The following AMOTL1 variants were observed in gnomAD, a reference collection of about 807,000 sequenced individuals.
AMOTL1 encodes the protein angiomotin-like protein 1.
Under a neutral mutation model 102.9 loss-of-function variants are expected in AMOTL1, and 45 were observed. The ratio of observed to expected loss-of-function variants is 0.44; its 90% confidence interval spans 0.34 to 0.56. The LOEUF (loss-of-function observed/expected upper bound fraction) is 0.56. AMOTL1 is among the 20% of genes least tolerant of loss of function. The probability of loss-of-function intolerance (pLI) is 0.01; values close to 1 mark genes in which losing one functional copy is unlikely to be tolerated. For missense variants in AMOTL1, 1,114 were observed against 1,225.6 expected (o/e 0.91, Z 1.36); for synonymous variants, 481 against 484.7 (o/e 0.99, Z 0.10).
rs146666218 is a variant in AMOTL1, at chr11:94,755,489, C to T, written c.136+14501C>T. Among the ~76,000 whole-genome samples the T allele has an allele frequency of 2.2e-3, 333 of 152,300 alleles. 1 individual carries two copies. The highest frequency in any genetic ancestry group is 7.7e-3 in the African/African-American group (321 of 41,578). On this transcript the variant is annotated intron_variant, in intron 3 of 4. Coordinates refer to the AMOTL1 transcript ENST00000299004. ...CTCCTGCTTCCTGAGAAAACCTGGT[C>T]TATTGTTACACAGTGATCATTATTA...
chr11:94,746,364 G>A (rs998161916), intron 3 of AMOTL1, among the ~76,000 whole-genome samples: 7 of 152,188 alleles, frequency 4.6e-5, no homozygotes, highest in Admixed American at 3.3e-4. Context: ...AGAGTTGGAT[G>A]AACCCAGATG....
chr11:94,727,019 A>G (rs2135453047), intron 1 of AMOTL1, among the ~76,000 whole-genome samples: 1 of 152,322 alleles, frequency 6.6e-6, no homozygotes, highest in East Asian at 1.9e-4. Flanking sequence ...AAATAAAATC[A>G]TGGATGTGAG....
At chr11:94,846,341 C>T (rs1287884779) in intron 6 of AMOTL1, among the ~76,000 whole-genome samples, 1 of 152,178 alleles carries the variant, frequency 6.6e-6, no homozygotes, top group African/African-American at 2.4e-5. Flanking sequence ...ATTTATCATG[C>T]TTCCTGTAAC....
At chr11:94,784,745 T>G (rs1951158410) in intron 1 of AMOTL1, among the ~76,000 whole-genome samples, 1 of 152,214 alleles carries the variant, frequency 6.6e-6, no homozygotes, top group South Asian at 2.1e-4. Flanking sequence ...GAGCTTATAT[T>G]GGCAGAGAAG....
intron 3 of AMOTL1, among the ~76,000 whole-genome samples, chr11:94,744,286 C>G (rs1198462576): frequency 6.6e-6 from 1 of 152,116 alleles, no homozygotes; most frequent in East Asian, 1.9e-4. Context: ...CTTATGTTTA[C>G]CAGGTTATTT....
chr11:94,795,856 T>C (rs1360227061), intron 2 of AMOTL1, among the ~76,000 whole-genome samples: 2 of 152,358 alleles, frequency 1.3e-5, no homozygotes, highest in Admixed American at 6.5e-5. Flanking sequence ...ATTTTTTTAT[T>C]TGAATGTGCT....
intron 3 of AMOTL1, among the ~76,000 whole-genome samples, chr11:94,757,111 C>CA (rs1410306160): frequency 6.6e-6 from 1 of 151,564 alleles, no homozygotes; most frequent in African/African-American, 2.4e-5. Context: ...TGGATCTGCC[C>CA]AAAACTCAGG....
chr11:94,799,192 G>T lies in AMOTL1; in HGVS notation c.200-198G>T, dbSNP rs1004235632. Among the ~76,000 whole-genome samples, 4 of 151,980 alleles carry T rather than the reference G, an allele frequency of 2.6e-5. No individual in the cohort carries two copies. The highest frequency in any genetic ancestry group is 2.0e-4 in the Admixed American group (3 of 15,268). ...TTTAAGAGGAAGCAGAGGAGAGGGAGTGCAGAATAGTAGACTCGCTTTGAA... is the reference window on the plus strand; with the variant it reads ...TTTAAGAGGAAGCAGAGGAGAGGGATTGCAGAATAGTAGACTCGCTTTGAA... On this transcript the variant is annotated intron_variant, in intron 2 of 12. Transcript: ENST00000433060. This position sits in a 1 kb window ranked among gnomAD's most constrained non-coding sequence, Gnocchi z 4.5.
At chr11:94,746,735 G>C (rs1950593848) in intron 3 of AMOTL1, among the ~76,000 whole-genome samples, 1 of 152,110 alleles carries the variant, frequency 6.6e-6, no homozygotes, top group South Asian at 2.1e-4. Flanking sequence ...TCTCTGGCAT[G>C]TGGACCCAAG....
rs1038005148 is a variant in AMOTL1, at chr11:94,875,231, G to C, written c.*4436G>C. 2 of 152,222 alleles carry C rather than the reference G, an allele frequency of 1.3e-5. No homozygotes were observed. The highest frequency in any genetic ancestry group is 4.8e-5 in the African/African-American group (2 of 41,468). The allele number at this position is 152,222 out of a possible 1,614,324, so 9.4% of individuals were successfully genotyped here. ...CATGGGAGATAGGCAAAGTAATTAA[G>C]AAGTTACCAGAAATTGGTCGGCTGG... On this transcript the variant is annotated 3_prime_UTR_variant, in exon 13 of 13. Coordinates refer to ENST00000433060, the MANE Select transcript of AMOTL1 (RefSeq NM_130847.3).
chr11:94,835,418 C>G (rs1952158372), intron 6 of AMOTL1, among the ~76,000 whole-genome samples: 2 of 152,384 alleles, frequency 1.3e-5, no homozygotes, highest in South Asian at 4.1e-4. Flanking sequence ...CCATTCTTAG[C>G]TGTGTCTTCT....
chr11:94,803,738 A>T (rs565040679), intron 3 of AMOTL1, among the ~76,000 whole-genome samples: 96 of 152,356 alleles, frequency 6.3e-4, no homozygotes, highest in Non-Finnish European at 1.2e-3. Flanking sequence ...CCAAGGGATG[A>T]TCTAATTTTT....
chr11:94,745,709 AT>A (rs2135483641), intron 3 of AMOTL1, among the ~76,000 whole-genome samples: 1 of 152,344 alleles, frequency 6.6e-6, no homozygotes, highest in Admixed American at 6.5e-5. Context: ...TGTAAAGTCC[AT>A]GTATTGAATG....
chr11:94,795,321 C>T (rs572297983), intron 2 of AMOTL1, among the ~76,000 whole-genome samples, 161 bp downstream of exon 2: 68 of 152,216 alleles, frequency 4.5e-4, no homozygotes, highest in African/African-American at 1.6e-3. Flanking sequence ...TATTTTTAAT[C>T]ATGTTTTGCT....
Position 94,871,041 on chromosome 11 carries a change from A to G in AMOTL1, c.*246A>G. 2.7e-6 allele frequency: 1 copy of G among 371,768 alleles called. No homozygotes were observed. Among genetic ancestry groups the G allele is most frequent in the South Asian group, 7.9e-5 (1 of 12,622 alleles). The allele number at this position is 371,768 out of a possible 1,614,324, so 23.0% of individuals were successfully genotyped here. On this transcript the variant is annotated 3_prime_UTR_variant, in exon 13 of 13. Coordinates refer to ENST00000433060, the MANE Select transcript of AMOTL1 (RefSeq NM_130847.3). ...AGAAGAGGCGTGTAGGTTTGCAAAC[A>G]AAGTTAAGAAATAGGAAACTGAATT...
chr11:94,864,856 T>C lies in AMOTL1; in HGVS notation c.2257T>C (p.Tyr753His). The C allele has an allele frequency of 6.2e-7, 1 of 1,613,336 alleles. No individual in the cohort carries two copies. The highest frequency in any genetic ancestry group is 2.2e-5 in the East Asian group (1 of 44,868). Residue 753 changes from tyrosine to histidine, a missense_variant, in exon 10 of 13, where the codon TAC (tyrosine) becomes CAC (histidine). Tyr to His is a moderately conservative substitution (Grantham distance 83). Transcript: ENST00000433060. ...CAACAGAAGGTGTCAGGACATGGAA[T>C]ACACGTAAGGGACGACTATGTGTGA... ...QANRRCQDMEYTIKNLHAKII... is the reference protein window; with the variant it reads ...QANRRCQDMEHTIKNLHAKII...
At chr11:94,866,242 C>T (rs538470621) in intron 11 of AMOTL1, 74 bp downstream of exon 11, 40 of 1,405,780 alleles carry the variant, frequency 2.8e-5, no homozygotes, top group Middle Eastern at 2.1e-4. Flanking sequence ...TCATGGGACA[C>T]GGAAATGTCC....
At chr11:94,838,671 T>C (rs773348574) in intron 6 of AMOTL1, among the ~76,000 whole-genome samples, 1 of 152,188 alleles carries the variant, frequency 6.6e-6, no homozygotes, top group Non-Finnish European at 1.5e-5. Flanking sequence ...TGAAGGAAGA[T>C]GCAAAATAAA....
rs771229496 is a variant in AMOTL1 at position 94,851,966 on chromosome 11, G to C, written c.1794+1707G>C. ...ATTGGGTGCCTACTAAATGCTGAGC[G>C]CTATTCCAGGCATTGGGTACGCCCT... On this transcript the variant is annotated intron_variant, in intron 7 of 12. Coordinates refer to ENST00000433060, the MANE Select transcript of AMOTL1 (RefSeq NM_130847.3). Among the ~76,000 whole-genome samples, 37 of 152,220 alleles carry C rather than the reference G, an allele frequency of 2.4e-4. 1 individual carries two copies. Among genetic ancestry groups the C allele is most frequent in the African/African-American group, 8.9e-4 (37 of 41,452 alleles).
Sources: gnomAD v4.1 joint callset for allele counts (sites outside exome capture counted in the v4.1 genomes callset) on GRCh38, gnomAD v4.1.1 for gene constraint, Gnocchi (gnomAD v3.1) non-coding constraint, MANE v1.5 for transcripts, NCBI Gene and HGNC (gene_info 2026-07-23, HGNC 2026-07-21) for gene names.